The following CLEC16A variants were observed in gnomAD, a reference collection of about 807,000 sequenced individuals.
CLEC16A encodes C-type lectin domain containing 16A, also known as protein CLEC16A.
CLEC16A carries 51 observed loss-of-function variants against 109.5 expected under a neutral mutation model. That is an observed-to-expected ratio of 0.47 (90% CI 0.37 to 0.59). The LOEUF (loss-of-function observed/expected upper bound fraction) is 0.59. Among genes scored for constraint, CLEC16A ranks in the 20% least tolerant of loss-of-function variants. CLEC16A has a pLI of 0.00. For synonymous variants in CLEC16A, 673 were observed against 564.2 expected (o/e 1.19, Z -2.73); for missense variants, 1,339 against 1,394.0 (o/e 0.96, Z 0.63).
At chr16:11,106,582 C>T (rs1421611803) in intron 19 of CLEC16A, among the ~76,000 whole-genome samples, 1 of 151,828 alleles carries the variant, frequency 6.6e-6, no homozygotes, top group Non-Finnish European at 1.5e-5. Context: ...AACTCCTGGC[C>T]TCAAGCAATC....
At chr16:10,984,669 A>G (rs899607382) in intron 10 of CLEC16A, among the ~76,000 whole-genome samples, 1 of 152,204 alleles carries the variant, frequency 6.6e-6, no homozygotes, top group African/African-American at 2.4e-5. Flanking sequence ...ACGGTCTGGC[A>G]AATGTACAGC....
rs750314506 is a variant in CLEC16A at position 10,982,988 on chromosome 16, T to A, written c.1068T>A (p.Ser356Arg). 6.4e-7 allele frequency: 1 copy of A among 1,567,522 alleles called. No individual in the cohort carries two copies. The highest frequency in any genetic ancestry group is 2.2e-5 in the East Asian group (1 of 44,664). The change falls in exon 10 of 24, where the codon AGT becomes AGA. Residue 356 changes from serine (S) to arginine (R), a missense_variant. Around this residue, in one of 3 missense-constraint regions of CLEC16A, gnomAD observed 1,061 missense variants for 1,006.8 expected, o/e 1.05. Transcript: ENST00000409790. Reference sequence around the variant, plus strand: ...AGACTGAACAGGATATTCAGAGAAGTTCTGTAAGTCATTAGCTTCGGGACT... The same window carrying A: ...AGACTGAACAGGATATTCAGAGAAGATCTGTAAGTCATTAGCTTCGGGACT... Reference protein sequence around the residue: ...YAKTEQDIQRSSAKPSIRCFI... With the variant: ...YAKTEQDIQRRSAKPSIRCFI...
At chr16:10,981,014 G>A (rs1412779309) in intron 9 of CLEC16A, among the ~76,000 whole-genome samples, 1 of 152,084 alleles carries the variant, frequency 6.6e-6, no homozygotes, top group African/African-American at 2.4e-5. Flanking sequence ...TAGGCAGCTG[G>A]GCCCAGCTTT....
chr16:11,049,474 G>GT (rs968866730), intron 17 of CLEC16A, among the ~76,000 whole-genome samples: 1 of 124,438 alleles, frequency 8.0e-6, no homozygotes, highest in African/African-American at 3.4e-5. Context: ...AGCTTCCCAG[G>GT]TTTTTTTGTT....
intron 22 of CLEC16A, among the ~76,000 whole-genome samples, chr16:11,146,819 C>T (rs1051948783): frequency 1.3e-5 from 2 of 152,060 alleles, no homozygotes; most frequent in African/African-American, 2.4e-5. Context: ...CTTTAATCCC[C>T]CCTTCTGTGT....
intron 13 of CLEC16A, among the ~76,000 whole-genome samples, chr16:11,036,572 A>G (rs1176499350): frequency 2.1e-5 from 3 of 140,298 alleles, no homozygotes; most frequent in Non-Finnish European, 4.5e-5. Context: ...TTTTTGAGAC[A>G]AGAGTCTCGC....
intron 15 of CLEC16A, among the ~76,000 whole-genome samples, chr16:11,043,419 AT>A (rs2047455849): frequency 6.6e-6 from 1 of 151,864 alleles, no homozygotes; most frequent in Non-Finnish European, 1.5e-5. Context: ...GAAAAGTAAA[AT>A]AAAAAAGGAG....
At chr16:11,153,866 G>A (rs1301361986) in intron 22 of CLEC16A, among the ~76,000 whole-genome samples, 1 of 152,166 alleles carries the variant, frequency 6.6e-6, no homozygotes, top group Non-Finnish European at 1.5e-5. Context: ...CTCAGCATTT[G>A]TGAGGAGGAA....
At chr16:10,948,270 T>C (rs558586368) in intron 1 of CLEC16A, among the ~76,000 whole-genome samples, 49 of 152,352 alleles carry the variant, frequency 3.2e-4, no homozygotes, top group African/African-American at 9.9e-4. Context: ...AAACTGTTTT[T>C]AGCTTCATTA....
chr16:10,957,418 G>T (rs2042041706), intron 1 of CLEC16A, among the ~76,000 whole-genome samples: 1 of 152,250 alleles, frequency 6.6e-6, no homozygotes, highest in Non-Finnish European at 1.5e-5. Flanking sequence ...ATATGAAACA[G>T]GTGGCTACTT....
intron 19 of CLEC16A, among the ~76,000 whole-genome samples, chr16:11,100,128 C>G (rs1246461725): frequency 6.6e-6 from 1 of 152,174 alleles, no homozygotes; most frequent in Non-Finnish European, 1.5e-5. Context: ...TCCATGGCTT[C>G]CTAGCTCTGA....
At chr16:11,172,643 C>T (rs1448646792) in intron 23 of CLEC16A, among the ~76,000 whole-genome samples, 1 of 152,156 alleles carries the variant, frequency 6.6e-6, no homozygotes, top group Non-Finnish European at 1.5e-5. Context: ...AATTCCAGCA[C>T]TTTGGGAGGC....
chr16:11,130,394 CTG>C lies in CLEC16A; in HGVS notation c.2641+4249_2641+4250del, dbSNP rs569492168. ...ACTTTGACAAGGGAACACAAAGGAA[CTG>C]AGAACCGAGAAGACCTTAAGCAGCA... On this transcript the variant is annotated intron_variant, in intron 22 of 23. Transcript: ENST00000409790. 9.2e-5 allele frequency among the ~76,000 whole-genome samples: 14 copies of C among 152,328 alleles called. No individual in the cohort carries two copies. In the East Asian group the frequency reaches 2.5e-3, roughly 27 times the overall value.
intron 11 of CLEC16A, among the ~76,000 whole-genome samples, chr16:11,013,725 C>T (rs939229657): frequency 6.6e-6 from 1 of 152,040 alleles, no homozygotes; most frequent in African/African-American, 2.4e-5. Flanking sequence ...CGCCACCGCA[C>T]TCCAGCCTAG....
chr16:10,953,008 G>T (rs1202168500), intron 1 of CLEC16A, among the ~76,000 whole-genome samples: 2 of 152,130 alleles, frequency 1.3e-5, no homozygotes, highest in African/African-American at 4.8e-5. Flanking sequence ...ATTTTAGCAC[G>T]TATTTTTGTG....
intron 18 of CLEC16A, among the ~76,000 whole-genome samples, chr16:11,058,677 GATATTGGCCT>G (rs1234530678): frequency 6.6e-6 from 1 of 152,186 alleles, no homozygotes; most frequent in Non-Finnish European, 1.5e-5. Flanking sequence ...GGCAAAAGCA[GATATTGGCCT>G]ATATTGGGAG....
At chr16:11,099,061 C>T (rs116247302) in intron 19 of CLEC16A, among the ~76,000 whole-genome samples, 99 of 152,226 alleles carry the variant, frequency 6.5e-4, no homozygotes, top group African/African-American at 2.3e-3. Context: ...GAGAGCGTGG[C>T]GGCTAAGGTG....
At chr16:11,092,781 C>T (rs910466283) in intron 19 of CLEC16A, among the ~76,000 whole-genome samples, 3 of 152,310 alleles carry the variant, frequency 2.0e-5, no homozygotes, top group Non-Finnish European at 4.4e-5. Context: ...TGTATGACTT[C>T]GGCCGAGCTT....
intron 23 of CLEC16A, among the ~76,000 whole-genome samples, chr16:11,175,873 A>C (rs933856619): frequency 1.3e-5 from 2 of 152,254 alleles, no homozygotes; most frequent in African/African-American, 4.8e-5. Flanking sequence ...AGCTTCTTTG[A>C]ATATCTGCAT....
Sources: allele counts gnomAD v4.1 joint callset (sites outside exome capture counted in the v4.1 genomes callset), GRCh38; gene constraint gnomAD v4.1.1; regional missense constraint gnomAD v4.1.1; transcripts MANE v1.5; gene names NCBI Gene and HGNC (gene_info 2026-07-23, HGNC 2026-07-21).